Variants in ELMO1 observed in about 807,000 individuals in gnomAD.
ELMO1 encodes the protein engulfment and cell motility protein 1.
ELMO1 carries 26 observed loss-of-function variants against 98.9 expected under a neutral mutation model. That is an observed-to-expected ratio of 0.26 (90% confidence interval 0.19 to 0.36). The LOEUF is 0.36. Among genes scored for constraint, ELMO1 ranks in the 10% least tolerant of loss-of-function variants. ELMO1 has a pLI of 1.00. For synonymous variants in ELMO1, 346 were observed against 346.0 expected (o/e 1.00, Z 0.00); for missense variants, 627 against 935.2 (o/e 0.67, Z 4.30).
chr7:37,306,006 A>C (rs1340835349), intron 4 of ELMO1, among the ~76,000 whole-genome samples: 2 of 152,198 alleles, frequency 1.3e-5, no homozygotes, highest in Non-Finnish European at 2.9e-5. Flanking sequence ...CGAATCTCCA[A>C]AAGTGGGGCT....
chr7:37,308,268 T>C (rs1798717065), intron 4 of ELMO1, among the ~76,000 whole-genome samples: 3 of 152,214 alleles, frequency 2.0e-5, no homozygotes. Flanking sequence ...TCCAATCGTT[T>C]GTCATCAAGT....
intron 16 of ELMO1, among the ~76,000 whole-genome samples, chr7:36,973,833 CG>C (rs1446408859): frequency 6.6e-6 from 1 of 152,256 alleles, no homozygotes; most frequent in Admixed American, 6.5e-5. Context: ...GGCCCGCACT[CG>C]GAGCAGCCGG....
At chr7:36,911,024 G>T (rs1394239394) in intron 16 of ELMO1, among the ~76,000 whole-genome samples, 1 of 152,156 alleles carries the variant, frequency 6.6e-6, no homozygotes, top group Non-Finnish European at 1.5e-5. Flanking sequence ...AATCGATGTT[G>T]CTACTGTCCC....
chr7:37,345,398 C>T (rs538673633), intron 1 of ELMO1, among the ~76,000 whole-genome samples: 3 of 151,980 alleles, frequency 2.0e-5, no homozygotes, highest in African/African-American at 7.2e-5. Flanking sequence ...AAAGGTTCAC[C>T]GAGAAGGCAG....
Position 37,267,064 on chromosome 7 carries a change from C to T in ELMO1, c.243+4768G>A, listed in dbSNP as rs1380204866. Reference sequence around the variant, plus strand: ...ACACACACACACACACACACACACACACACACACACACACACACACACACG... The same window carrying T: ...ACACACACACACACACACACACACATACACACACACACACACACACACACG... On this transcript the variant is annotated intron_variant, in intron 5 of 21. Coordinates refer to ENST00000310758, the MANE Select transcript of ELMO1 (RefSeq NM_014800.11). 1.3e-3 allele frequency among the ~76,000 whole-genome samples: 198 copies of T among 148,490 alleles called. 3 individuals carry two copies. Among genetic ancestry groups the T allele is most frequent in the African/African-American group, 4.7e-3 (192 of 40,458 alleles).
intron 13 of ELMO1, among the ~76,000 whole-genome samples, chr7:37,155,503 A>AAAAAAAAAAAAAAAAAAAT (rs61189239): frequency 4.6e-5 from 6 of 131,734 alleles, no homozygotes; most frequent in Non-Finnish European, 8.1e-5. Flanking sequence ...AAAAAAAAAA[A>AAAAAAAAAAAAAAAAAAAT]AAAAAGCAGG....
At chr7:37,105,723 A>G (rs1223247419) in intron 14 of ELMO1, among the ~76,000 whole-genome samples, 1 of 152,236 alleles carries the variant, frequency 6.6e-6, no homozygotes, top group East Asian at 1.9e-4. Flanking sequence ...GTTTTTAAAG[A>G]CATGCAAAGC....
chr7:36,885,278 G>A, intron 18 of ELMO1, among the ~76,000 whole-genome samples: 1 of 151,816 alleles, frequency 6.6e-6, no homozygotes, highest in East Asian at 1.9e-4. Flanking sequence ...TTCATTTTTA[G>A]AAAATTGGAA....
chr7:37,122,623 C>G (rs1335588656), intron 14 of ELMO1, among the ~76,000 whole-genome samples: 1 of 152,158 alleles, frequency 6.6e-6, no homozygotes, highest in Non-Finnish European at 1.5e-5. Flanking sequence ...ACAGGAGCAC[C>G]AGATTCATAA....
chr7:37,007,474 C>T (rs538438953), intron 16 of ELMO1, among the ~76,000 whole-genome samples: 14 of 152,306 alleles, frequency 9.2e-5, no homozygotes, highest in Non-Finnish European at 1.9e-4. Context: ...ACCTGCCTCA[C>T]GCAAATGAGG....
chr7:37,391,896 T>C (rs1279111128), intron 1 of ELMO1, among the ~76,000 whole-genome samples: 1 of 152,158 alleles, frequency 6.6e-6, no homozygotes, highest in African/African-American at 2.4e-5. Flanking sequence ...CAGCAAAGCC[T>C]GTAGGGAAGT....
At chr7:37,404,354 G>A (rs1041804862) in intron 1 of ELMO1, among the ~76,000 whole-genome samples, 6 of 152,058 alleles carry the variant, frequency 3.9e-5, no homozygotes, top group Middle Eastern at 6.8e-3. Flanking sequence ...GTGACTGTGC[G>A]CCATGATTTC....
chr7:36,910,199 C>G (rs1171761263), intron 16 of ELMO1, among the ~76,000 whole-genome samples: 4 of 152,212 alleles, frequency 2.6e-5, no homozygotes, highest in Non-Finnish European at 4.4e-5. Context: ...GTTGATGGAT[C>G]TGCCAAGATA....
At chr7:37,087,575 T>C (rs1014389943) in intron 15 of ELMO1, among the ~76,000 whole-genome samples, 1 of 152,212 alleles carries the variant, frequency 6.6e-6, no homozygotes, top group East Asian at 1.9e-4. Flanking sequence ...AGCTTATTCA[T>C]GTGAGATGGA....
intron 1 of ELMO1, among the ~76,000 whole-genome samples, chr7:37,416,086 A>G (rs76609978): frequency 0.014 from 2,192 of 152,354 alleles, 14 homozygotes; most frequent in Non-Finnish European, 0.023. Flanking sequence ...GCTGACCTAC[A>G]ACAGAAATAA....
intron 15 of ELMO1, among the ~76,000 whole-genome samples, chr7:37,088,121 G>A (rs1783883702): frequency 6.6e-6 from 1 of 152,160 alleles, no homozygotes; most frequent in South Asian, 2.1e-4. Flanking sequence ...CAACAGGAAT[G>A]GATGCTGATT....
chr7:37,155,503 A>AATAAATAAAAAAT (rs1554427527), intron 13 of ELMO1, among the ~76,000 whole-genome samples: 2 of 131,738 alleles, frequency 1.5e-5, no homozygotes, highest in Non-Finnish European at 3.2e-5. Context: ...AAAAAAAAAA[A>AATAAATAAAAAAT]AAAAAGCAGG....
intron 15 of ELMO1, among the ~76,000 whole-genome samples, chr7:37,041,360 T>G (rs1205590455): frequency 1.3e-5 from 2 of 152,216 alleles, no homozygotes; most frequent in Non-Finnish European, 2.9e-5. Flanking sequence ...TAGAGGACCC[T>G]GAAATATACA....
chr7:37,411,139 C>T (rs894646014), intron 1 of ELMO1, among the ~76,000 whole-genome samples: 3 of 152,196 alleles, frequency 2.0e-5, no homozygotes, highest in Non-Finnish European at 4.4e-5. Flanking sequence ...GATGTAGCAA[C>T]TAATTCTACC....
Sources: allele counts gnomAD v4.1 joint callset (sites outside exome capture counted in the v4.1 genomes callset), GRCh38; gene constraint gnomAD v4.1.1; transcripts MANE v1.5; gene names NCBI Gene and HGNC (gene_info 2026-07-23, HGNC 2026-07-21).